The following CACUL1 variants were observed in gnomAD, a reference collection of about 807,000 sequenced individuals.
CACUL1 encodes the protein CDK2 associated cullin domain 1.
In CACUL1, 13 loss-of-function variants were observed where a neutral mutation model predicts 45.2. That is an observed-to-expected ratio of 0.29 (90% CI 0.19 to 0.46). The LOEUF is 0.46. Ranked by LOEUF, CACUL1 falls within the 20% of genes least tolerant of loss-of-function variation. The pLI is 1.00. For synonymous variants in CACUL1, 197 were observed against 174.2 expected (o/e 1.13, Z -1.03); for missense variants, 421 against 471.4 (o/e 0.89, Z 0.99).
Position 118,754,509 on chromosome 10 carries a change from T to C in CACUL1, c.254A>G (p.Asn85Ser). Reference sequence around the variant, plus strand: ...GCTCTTCAACATCATGATCACCCCATTAGCCTCCGGCGGTGGCTGCGGCCC... The same window carrying C: ...GCTCTTCAACATCATGATCACCCCACTAGCCTCCGGCGGTGGCTGCGGCCC... ...PMGPQPPPEA[N>S]GVIMMLKSCD... Residue 85 changes from asparagine to serine, a missense_variant, in exon 1 of 9, where the codon AAT becomes AGT. Asn to Ser is a conservative substitution (Grantham distance 46). Transcript: ENST00000369151. 6.2e-7 allele frequency: 1 copy of C among 1,613,316 alleles called. No individual in the cohort carries two copies. Among genetic ancestry groups the C allele is most frequent in the African/African-American group, 1.3e-5 (1 of 74,976 alleles).
At position 118,680,497 on chromosome 10, in the gene CACUL1, A is replaced by T. The variant is rs1845142488; in HGVS notation, c.*5631T>A. On this transcript the variant is annotated 3_prime_UTR_variant, in exon 9 of 9. Transcript: ENST00000369151. ...TGTAGGAAAGGACACCTCTACAGAGATAGCAAGAGAAACTAAAACCTTAAA... is the reference window on the plus strand; with the variant it reads ...TGTAGGAAAGGACACCTCTACAGAGTTAGCAAGAGAAACTAAAACCTTAAA... 1 of 152,222 alleles carries T rather than the reference A, an allele frequency of 6.6e-6. No homozygotes were observed. Among genetic ancestry groups the T allele is most frequent in the Non-Finnish European group, 1.5e-5 (1 of 68,038 alleles). 9.4% of individuals were successfully genotyped at this position (152,222 alleles called of 1,614,324 possible). A position where few individuals can be genotyped will look rare whatever the true frequency, so the allele number is the denominator to read the frequency against.
intron 6 of CACUL1, 43 bp from the exon 7 acceptor site, chr10:118,691,446 A>C: frequency 1.3e-6 from 2 of 1,543,616 alleles, no homozygotes; most frequent in Non-Finnish European, 1.8e-6. Flanking sequence ...TCATATAAAC[A>C]CACCAAATTA....
intron 3 of CACUL1, among the ~76,000 whole-genome samples, chr10:118,712,072 T>C (rs1845491078): frequency 6.6e-6 from 1 of 152,224 alleles, no homozygotes. Flanking sequence ...AAGCTTTGCT[T>C]TTTCCCCAAA....
chr10:118,731,234 A>C (rs1845694775), intron 1 of CACUL1, among the ~76,000 whole-genome samples: 1 of 152,220 alleles, frequency 6.6e-6, no homozygotes, highest in Non-Finnish European at 1.5e-5. Context: ...CAGTTACCTC[A>C]GGAGTAACAA....
chr10:118,743,490 AGGCC>A (rs1845811207), intron 1 of CACUL1, among the ~76,000 whole-genome samples: 1 of 152,218 alleles, frequency 6.6e-6, no homozygotes, highest in Non-Finnish European at 1.5e-5. Flanking sequence ...AGAAACAATA[AGGCC>A]GGGTGCAGTG....
intron 7 of CACUL1, 124 bp from the exon 8 acceptor site, chr10:118,686,765 C>T: frequency 8.6e-6 from 6 of 697,102 alleles, no homozygotes; most frequent in Non-Finnish European, 1.0e-5. Context: ...TTTAAAAATA[C>T]ATATTAAACA....
chr10:118,732,694 C>A (rs1845708640), intron 1 of CACUL1, among the ~76,000 whole-genome samples: 1 of 152,144 alleles, frequency 6.6e-6, no homozygotes, highest in Non-Finnish European at 1.5e-5. Context: ...CAGCTGCCTA[C>A]AGTGGTGACT....
intron 7 of CACUL1, among the ~76,000 whole-genome samples, chr10:118,691,010 C>T (rs1276859938): frequency 6.6e-6 from 1 of 152,184 alleles, no homozygotes; most frequent in African/African-American, 2.4e-5. Flanking sequence ...GAGATTGTGC[C>T]ACTGCATTCC....
At chr10:118,713,155 A>G (rs1340321215) in intron 3 of CACUL1, among the ~76,000 whole-genome samples, 1 of 152,206 alleles carries the variant, frequency 6.6e-6, no homozygotes, top group East Asian at 1.9e-4. Flanking sequence ...CTAGTGTGTT[A>G]GCACTGCCCT....
At chr10:118,703,596 T>G (rs1670683018) in intron 4 of CACUL1, among the ~76,000 whole-genome samples, 1 of 152,186 alleles carries the variant, frequency 6.6e-6, no homozygotes, top group South Asian at 2.1e-4. Flanking sequence ...GAGATACAAT[T>G]CTTGAGTCAG....
intron 1 of CACUL1, among the ~76,000 whole-genome samples, chr10:118,746,201 A>G (rs1845842021): frequency 6.6e-6 from 1 of 151,780 alleles, no homozygotes; most frequent in African/African-American, 2.4e-5. Context: ...AACAAGGATA[A>G]AGTCAGACAT....
At chr10:118,732,438 C>T (rs1285405520) in intron 1 of CACUL1, among the ~76,000 whole-genome samples, 1 of 152,144 alleles carries the variant, frequency 6.6e-6, no homozygotes, top group African/African-American at 2.4e-5. Flanking sequence ...GGTGCCCCAC[C>T]CATTTACCCC....
rs55641894 is a variant in CACUL1, at chr10:118,676,839, TACACACAC to T, written c.*9281_*9288del. ...ACATTTTAAAATATATATGTCTATG[TACACACAC>T]ACACACACACACACACACACACACA... is the stretch of plus-strand genomic sequence containing the variant. On this transcript the variant is annotated 3_prime_UTR_variant, in exon 9 of 9. Coordinates refer to ENST00000369151, the MANE Select transcript of CACUL1 (RefSeq NM_153810.5). The T allele has an allele frequency of 0.12, 18,063 of 149,706 alleles. 1,318 individuals are homozygous for T. The highest frequency in any genetic ancestry group is 0.26 in the Admixed American group (3,902 of 15,036). The allele number at this position is 149,706 out of a possible 1,614,324, so 9.3% of individuals were successfully genotyped here. A position where few individuals can be genotyped will look rare whatever the true frequency, so the allele number is the denominator to read the frequency against.
chr10:118,726,490 A>G (rs181341961), intron 3 of CACUL1: 425 of 360,554 alleles, frequency 1.2e-3, no homozygotes, highest in Non-Finnish European at 2.0e-3. Flanking sequence ...AGCAGAAACA[A>G]TAACACAATC....
chr10:118,688,576 C>T (rs552455632), intron 7 of CACUL1, among the ~76,000 whole-genome samples: 1 of 152,190 alleles, frequency 6.6e-6, no homozygotes, highest in South Asian at 2.1e-4. Flanking sequence ...AAGTCCGGAA[C>T]GCTCTCTCAA....
At chr10:118,689,568 T>C (rs1845241143) in intron 7 of CACUL1, among the ~76,000 whole-genome samples, 1 of 152,174 alleles carries the variant, frequency 6.6e-6, no homozygotes, top group African/African-American at 2.4e-5. Context: ...TCCCTGAATA[T>C]AACCAAACTG....
intron 1 of CACUL1, among the ~76,000 whole-genome samples, chr10:118,743,731 A>C (rs533472286): frequency 1.3e-5 from 2 of 152,174 alleles, no homozygotes; most frequent in African/African-American, 2.4e-5. Flanking sequence ...CTCCGTCCCC[A>C]AAAAAAGGAA....
intron 7 of CACUL1, 78 bp from the exon 8 acceptor site, chr10:118,686,719 A>G: frequency 9.8e-7 from 1 of 1,021,554 alleles, no homozygotes; most frequent in Non-Finnish European, 1.6e-6. Flanking sequence ...TTTGATAATA[A>G]AAGTATAGCA....
chr10:118,747,871 G>C (rs1845859861), intron 1 of CACUL1, among the ~76,000 whole-genome samples: 1 of 152,082 alleles, frequency 6.6e-6, no homozygotes, highest in Admixed American at 6.5e-5. Flanking sequence ...GATCACTTGG[G>C]GCCAGGAATT....
Sources: allele counts gnomAD v4.1 joint callset (sites outside exome capture counted in the v4.1 genomes callset), GRCh38; gene constraint gnomAD v4.1.1; transcripts MANE v1.5; gene names NCBI Gene and HGNC (gene_info 2026-07-23, HGNC 2026-07-21).